OSBPL9: variants seen among roughly 807,000 people sequenced by gnomAD.
The protein encoded by OSBPL9 is oxysterol-binding protein-related protein 9.
Under a neutral mutation model 106.6 loss-of-function variants are expected in OSBPL9, and 40 were observed. The ratio of observed to expected loss-of-function variants is 0.38; its 90% confidence interval spans 0.29 to 0.49. The LOEUF (loss-of-function observed/expected upper bound fraction) is 0.49, where lower values mean the gene tolerates loss of function less well. Among genes scored for constraint, OSBPL9 ranks in the 20% least tolerant of loss-of-function variants. OSBPL9 has a pLI of 0.97. For missense variants in OSBPL9, 609 were observed against 887.2 expected (o/e 0.69, Z 3.98); for synonymous variants, 269 against 295.4 (o/e 0.91, Z 0.92).
the OSBPL9 span, among the ~76,000 whole-genome samples, chr1:51,552,333 A>G: frequency 6.6e-6 from 1 of 152,178 alleles, no homozygotes; most frequent in Non-Finnish European, 1.5e-5. Flanking sequence ...TGGTTTAATA[A>G]TAATAGCTAC....
chr1:51,683,747 C>G (rs554105028), intron 3 of OSBPL9, among the ~76,000 whole-genome samples: 39 of 151,834 alleles, frequency 2.6e-4, no homozygotes, highest in Middle Eastern at 3.4e-3. Context: ...GAGCCAAGAT[C>G]GCGCCCCTGC....
chr1:51,731,303 C>T (rs1445822708), intron 4 of OSBPL9, among the ~76,000 whole-genome samples: 1 of 151,848 alleles, frequency 6.6e-6, no homozygotes, highest in African/African-American at 2.4e-5. Flanking sequence ...TAAAAATGAG[C>T]TGAGCGTGGT....
chr1:51,719,118 C>T (rs1248575298), intron 4 of OSBPL9, among the ~76,000 whole-genome samples: 2 of 152,134 alleles, frequency 1.3e-5, no homozygotes, highest in Non-Finnish European at 2.9e-5. Context: ...CCTGGAATTC[C>T]ACTTCAGCAT....
the OSBPL9 span, among the ~76,000 whole-genome samples, chr1:51,542,553 T>C: frequency 6.6e-6 from 1 of 152,228 alleles, no homozygotes; most frequent in East Asian, 1.9e-4. Context: ...ATAGGTAGGT[T>C]CTATGGGCTC....
At chr1:51,523,544 T>C in the OSBPL9 span, among the ~76,000 whole-genome samples, 1 of 152,194 alleles carries the variant, frequency 6.6e-6, no homozygotes, top group South Asian at 2.1e-4. Flanking sequence ...TACACAATTA[T>C]ACACGGGTCT....
intron 2 of OSBPL9, among the ~76,000 whole-genome samples, chr1:51,652,476 G>A (rs1048830496): frequency 2.0e-5 from 3 of 152,162 alleles, no homozygotes; most frequent in Non-Finnish European, 2.9e-5. Flanking sequence ...TACAATGTTA[G>A]CCACATCTAT....
At chr1:51,540,414 T>C in the OSBPL9 span, among the ~76,000 whole-genome samples, 2 of 151,894 alleles carry the variant, frequency 1.3e-5, no homozygotes, top group Non-Finnish European at 2.9e-5. Context: ...CCCAGCACTT[T>C]AGGAGGCCGA....
At chr1:51,782,297 T>C (rs540588025) in intron 16 of OSBPL9, among the ~76,000 whole-genome samples, 1 of 152,366 alleles carries the variant, frequency 6.6e-6, no homozygotes, top group East Asian at 1.9e-4. Context: ...GTGTCTGTTC[T>C]TATTCATTTG....
At chr1:51,707,802 C>T (rs546503430) in intron 3 of OSBPL9, 1 of 173,812 alleles carries the variant, frequency 5.8e-6, no homozygotes, top group East Asian at 1.5e-4. Flanking sequence ...CCTTTTGGCT[C>T]TCCCCTCTAA....
At chr1:51,741,010 T>TG (rs1326706036) in intron 4 of OSBPL9, among the ~76,000 whole-genome samples, 1 of 152,122 alleles carries the variant, frequency 6.6e-6, no homozygotes, top group African/African-American at 2.4e-5. Context: ...CTCCTTTTAA[T>TG]GGGGGTAAAA....
intron 16 of OSBPL9, 26 bp downstream of exon 16, chr1:51,781,361 ATTATC>A: frequency 6.3e-7 from 1 of 1,599,510 alleles, no homozygotes; most frequent in Non-Finnish European, 8.6e-7. Context: ...ACATTTTTAA[ATTATC>A]TTAATTGTAT....
At chr1:51,571,789 C>T in the OSBPL9 span, among the ~76,000 whole-genome samples, 2 of 152,222 alleles carry the variant, frequency 1.3e-5, no homozygotes, top group African/African-American at 2.4e-5. Flanking sequence ...AGCACCGAAC[C>T]TGCAGGCAAG....
chr1:51,622,169 T>C (rs950423511), intron 1 of OSBPL9, among the ~76,000 whole-genome samples: 1 of 152,072 alleles, frequency 6.6e-6, no homozygotes, highest in Non-Finnish European at 1.5e-5. Flanking sequence ...AAAAGGAAGA[T>C]AGGAAGAACA....
At chr1:51,644,960 C>A (rs529972328) in intron 1 of OSBPL9, among the ~76,000 whole-genome samples, 1 of 152,154 alleles carries the variant, frequency 6.6e-6, no homozygotes, top group East Asian at 1.9e-4. Flanking sequence ...AACTTAACTG[C>A]AACACTGCAA....
intron 4 of OSBPL9, among the ~76,000 whole-genome samples, chr1:51,721,208 GTATACAAGGTTA>G (rs761463795): frequency 6.7e-6 from 1 of 149,768 alleles, no homozygotes; most frequent in East Asian, 2.0e-4. Context: ...ATGATACCTT[GTATACAAGGTTA>G]TAAGAGTATA....
intron 16 of OSBPL9, chr1:51,781,545 T>C: frequency 2.0e-6 from 1 of 510,426 alleles, no homozygotes; most frequent in Non-Finnish European, 3.5e-6. Flanking sequence ...AATCAGATCT[T>C]GCAAGGTCTT....
At chr1:51,752,615 C>T in intron 8 of OSBPL9, 1 of 451,892 alleles carries the variant, frequency 2.2e-6, no homozygotes, top group Non-Finnish European at 4.4e-6. Context: ...TTTATTTTCT[C>T]ACCGTTCTGG....
chr1:51,747,350 A>G (rs2149008170), intron 6 of OSBPL9, among the ~76,000 whole-genome samples: 1 of 152,352 alleles, frequency 6.6e-6, no homozygotes, highest in Admixed American at 6.5e-5. Flanking sequence ...TTGAAGGTAG[A>G]AAGTTGGTTA....
chr1:51,778,937 C>T (rs1470394134), intron 15 of OSBPL9, among the ~76,000 whole-genome samples: 39 of 152,142 alleles, frequency 2.6e-4, no homozygotes, highest in Admixed American at 2.5e-3. Context: ...GTATATTCTA[C>T]ACCCATGAAT....
Sources: gnomAD v4.1 joint callset for allele counts (sites outside exome capture counted in the v4.1 genomes callset) on GRCh38, gnomAD v4.1.1 for gene constraint, MANE v1.5 for transcripts, NCBI Gene and HGNC (gene_info 2026-07-23, HGNC 2026-07-21) for gene names.